TECTA: variants seen among roughly 807,000 people sequenced by gnomAD.
The protein encoded by TECTA is alpha-tectorin.
TECTA carries 128 observed loss-of-function variants against 216.8 expected under a neutral mutation model. That is an observed-to-expected ratio of 0.59 (90% CI 0.51 to 0.68). The LOEUF (loss-of-function observed/expected upper bound fraction) is 0.68. Ranked by LOEUF, TECTA falls within the 30% of genes least tolerant of loss-of-function variation. TECTA has a pLI of 0.00. For synonymous variants in TECTA, 1,089 were observed against 1,117.1 expected (o/e 0.97, Z 0.50); for missense variants, 2,551 against 2,786.2 (o/e 0.92, Z 1.90).
At chr11:121,190,081 A>G (rs1947326991) in intron 23 of TECTA, 2 of 589,472 alleles carry the variant, frequency 3.4e-6, no homozygotes, top group Admixed American at 5.9e-5. Flanking sequence ...CAACAAAAAA[A>G]CCTTGCTCTT....
At chr11:121,123,460 T>C (rs1946578948) in intron 7 of TECTA, among the ~76,000 whole-genome samples, 1 of 152,180 alleles carries the variant, frequency 6.6e-6, no homozygotes, top group Admixed American at 6.5e-5. Flanking sequence ...TTCATCCTCA[T>C]CACCTCCCTG....
chr11:121,190,164 A>T, intron 23 of TECTA: 2 of 417,740 alleles, frequency 4.8e-6, no homozygotes, highest in Non-Finnish European at 9.0e-6. Context: ...ATTGGCCTAC[A>T]TCTGGCTGCC....
Position 121,105,959 on chromosome 11 carries a change from G to A in TECTA, c.193G>A (p.Val65Ile). ...VFFFGVPYRT[V>I]YVNNNGVVSF... is the part of the protein sequence containing the mutation. ...CTTCTTTGGCGTTCCTTACCGCACT[G>A]TCTATGTAAGTGGAGAAGCAGCCCA... Residue 65 changes from valine to isoleucine, a missense_variant, in exon 3 of 24, where the codon GTC (valine) becomes ATC (isoleucine). Around this residue, in one of 3 missense-constraint regions of TECTA, gnomAD observed 2,375 missense variants for 2,563.9 expected, o/e 0.93. Transcript: ENST00000392793. The surrounding 1 kb of genome is among the most constrained non-coding windows in gnomAD (Gnocchi z 5.3). 6.2e-7 allele frequency: 1 copy of A among 1,614,200 alleles called. No homozygotes were observed. Among genetic ancestry groups the A allele is most frequent in the Non-Finnish European group, 8.5e-7 (1 of 1,180,036 alleles).
At chr11:121,115,255 A>T (rs185167289) in intron 6 of TECTA, among the ~76,000 whole-genome samples, 1 of 151,224 alleles carries the variant, frequency 6.6e-6, no homozygotes, top group East Asian at 1.9e-4. Flanking sequence ...CTACTCACCC[A>T]TCCACCAACC....
At position 121,168,657 on chromosome 11, in the gene TECTA, C is replaced by T. The variant is rs373629891; in HGVS notation, c.5751-20C>T. 10 of 1,613,914 alleles carry T rather than the reference C, an allele frequency of 6.2e-6. No individual in the cohort carries two copies. The highest frequency in any genetic ancestry group is 7.6e-6 in the Non-Finnish European group (9 of 1,179,960). On this transcript the variant is annotated intron_variant, in intron 19 of 23. Coordinates refer to ENST00000392793, the MANE Select transcript of TECTA (RefSeq NM_005422.4). ...GTAACATTGTTTTGGATTCCTGTCTCATAATTGTTTCCGTTTTAGTGTAAT... is the reference window on the plus strand; with the variant it reads ...GTAACATTGTTTTGGATTCCTGTCTTATAATTGTTTCCGTTTTAGTGTAAT...
intron 10 of TECTA, among the ~76,000 whole-genome samples, chr11:121,134,574 C>CTT (rs34432296): frequency 6.7e-6 from 1 of 148,528 alleles, no homozygotes. Flanking sequence ...TTCCCAAAGT[C>CTT]TTTTTTTTTT....
intron 7 of TECTA, among the ~76,000 whole-genome samples, chr11:121,119,830 G>C (rs1331840160): frequency 6.6e-6 from 1 of 152,242 alleles, no homozygotes; most frequent in Non-Finnish European, 1.5e-5. Context: ...GTCTCATTAT[G>C]AGGAAAGTGA....
At chr11:121,102,567 G>A in intron 1 of TECTA, 98 bp from the exon 2 acceptor site, 1 of 906,178 alleles carries the variant, frequency 1.1e-6, no homozygotes, top group East Asian at 2.4e-5. Flanking sequence ...TTCTATGACG[G>A]TTTTGATGGT....
intron 4 of TECTA, among the ~76,000 whole-genome samples, chr11:121,111,280 C>G (rs1484493956): frequency 1.3e-5 from 2 of 152,216 alleles, no homozygotes; most frequent in Non-Finnish European, 2.9e-5. Flanking sequence ...GGCCAAGTAT[C>G]TCGTTCAAGT....
chr11:121,177,601 C>T (rs1947181207), intron 20 of TECTA, among the ~76,000 whole-genome samples: 1 of 152,238 alleles, frequency 6.6e-6, no homozygotes, highest in Non-Finnish European at 1.5e-5. Flanking sequence ...GGGTGCCTCC[C>T]AGTTAGGCTG....
In TECTA at chr11:121,148,102, A is replaced by G. The variant is rs182381091; in HGVS notation, c.4105+1986A>G. Among the ~76,000 whole-genome samples the G allele has an allele frequency of 1.4e-4, 22 of 152,130 alleles. No individual in the cohort carries two copies. In the East Asian group the frequency reaches 3.7e-3, roughly 25 times the overall value. On this transcript the variant is annotated intron_variant, in intron 12 of 23. Transcript: ENST00000392793. ...TCCCCTCCCAAATTTCTGTCCAAAC[A>G]TTGGTTGCCTCCTCTCTACCCTGGC...
At chr11:121,177,051 T>C (rs2134205254) in intron 20 of TECTA, among the ~76,000 whole-genome samples, 1 of 152,330 alleles carries the variant, frequency 6.6e-6, no homozygotes, top group Non-Finnish European at 1.5e-5. Flanking sequence ...CTTCTCTGTA[T>C]TGGTTATTCT....
chr11:121,178,517 AGTGTGTGTGTGTGTGTGT>A (rs3222565), intron 20 of TECTA, among the ~76,000 whole-genome samples: 27 of 127,276 alleles, frequency 2.1e-4, no homozygotes, highest in South Asian at 9.1e-4. Flanking sequence ...GCTTGTAGTT[AGTGTGTGTGTGTGTGTGT>A]GTGTGTGTGT....
intron 20 of TECTA, among the ~76,000 whole-genome samples, chr11:121,170,525 T>G (rs1947101410): frequency 6.6e-6 from 1 of 152,130 alleles, no homozygotes; most frequent in South Asian, 2.1e-4. Context: ...ATGGCTGTAC[T>G]CATTTCTAGT....
At chr11:121,178,148 C>T (rs989517380) in intron 20 of TECTA, among the ~76,000 whole-genome samples, 21 of 152,358 alleles carry the variant, frequency 1.4e-4, no homozygotes, top group African/African-American at 3.8e-4. Context: ...GGCAATGCCT[C>T]GCCCTGCTTC....
intron 11 of TECTA, among the ~76,000 whole-genome samples, chr11:121,144,672 G>A (rs1946816847): frequency 6.6e-6 from 1 of 152,132 alleles, no homozygotes; most frequent in Non-Finnish European, 1.5e-5. Context: ...TACTGTTAAG[G>A]GATTTCCCTC....
At chr11:121,123,899 C>T (rs1946582879) in intron 7 of TECTA, among the ~76,000 whole-genome samples, 1 of 152,116 alleles carries the variant, frequency 6.6e-6, no homozygotes. Context: ...TCCCCTACAC[C>T]CCTTGTAATC....
intron 11 of TECTA, among the ~76,000 whole-genome samples, chr11:121,138,302 A>C (rs538529628): frequency 6.6e-6 from 1 of 152,310 alleles, no homozygotes; most frequent in African/African-American, 2.4e-5. Context: ...AGCATGCTGG[A>C]GAGAGCACAG....
chr11:121,152,919 G>A lies in TECTA; in HGVS notation c.4144G>A (p.Val1382Met), dbSNP rs199637730. The change falls in exon 13 of 24, where the codon GTG (valine) becomes ATG (methionine). Residue 1382 changes from valine to methionine, a missense_variant. Val to Met is a conservative substitution (Grantham distance 21). Coordinates refer to ENST00000392793, the MANE Select transcript of TECTA (RefSeq NM_005422.4). ...TCCAAACAGCCATTACGAGAGCTGC[G>A]TGAGTGTCTGCCAGCCCCGCTGCGC... ...CPPNSHYESC[V>M]SVCQPRCAAI... 10 of 1,610,564 alleles carry A rather than the reference G, an allele frequency of 6.2e-6. No homozygotes were observed. Among genetic ancestry groups the A allele is most frequent in the African/African-American group, 5.3e-5 (4 of 74,860 alleles).
Sources: allele counts gnomAD v4.1 joint callset (sites outside exome capture counted in the v4.1 genomes callset), GRCh38; gene constraint gnomAD v4.1.1; regional missense constraint gnomAD v4.1.1; non-coding constraint Gnocchi (gnomAD v3.1); transcripts MANE v1.5; gene names NCBI Gene and HGNC (gene_info 2026-07-23, HGNC 2026-07-21).